CCNF: variants seen among roughly 807,000 people sequenced by gnomAD.
CCNF encodes cyclin-F.
CCNF carries 30 observed loss-of-function variants against 85.4 expected under a neutral mutation model. The ratio of observed to expected loss-of-function variants is 0.35; its 90% CI spans 0.26 to 0.48. CCNF has a LOEUF of 0.48. Among genes scored for constraint, CCNF ranks in the 20% least tolerant of loss-of-function variants. The pLI is 0.99. For synonymous variants in CCNF, 439 were observed against 425.1 expected (o/e 1.03, Z -0.40); for missense variants, 919 against 1,010.4 (o/e 0.91, Z 1.23).
At chr16:2,431,407 G>T (rs1052128100) in intron 2 of CCNF, 123 bp downstream of exon 2, 15 of 1,005,848 alleles carry the variant, frequency 1.5e-5, no homozygotes, top group Non-Finnish European at 2.2e-5. Context: ...GGCCAGGCAC[G>T]GTGGCTCATG....
At chr16:2,431,490 C>G (rs1389492748) in intron 2 of CCNF, among the ~76,000 whole-genome samples, 1 of 151,870 alleles carries the variant, frequency 6.6e-6, no homozygotes, top group Non-Finnish European at 1.5e-5. Flanking sequence ...ACCAGCCTGG[C>G]CAACTTGGCA....
chr16:2,436,076 GA>G (rs1364343831), intron 4 of CCNF: 11 of 467,172 alleles, frequency 2.4e-5, no homozygotes, highest in Admixed American at 2.3e-4. Context: ...TGCAGGTTAC[GA>G]AAGTCGCCTC....
rs780649554 is a variant in CCNF at position 2,456,698 on chromosome 16, C to T, written c.2039C>T (p.Thr680Ile). ...ALALDTQIPATPGPKPLVRTS... is the reference protein window; with the variant it reads ...ALALDTQIPAIPGPKPLVRTS... ...GCGCTGGACACCCAGATCCCTGCAA[C>T]CCCTGGACCCAAACCCCTGGTCCGC... is the stretch of plus-strand genomic sequence containing the variant. The change falls in exon 17 of 17, where the codon ACC (threonine) becomes ATC (isoleucine). Residue 680 changes from threonine (T) to isoleucine (I), a missense_variant. Physicochemically the swap from Thr to Ile is moderately conservative, Grantham distance 89. Coordinates refer to ENST00000397066, the MANE Select transcript of CCNF (RefSeq NM_001761.3). The surrounding 1 kb of genome is among the most constrained non-coding windows in gnomAD (Gnocchi z 4.5). 1.9e-6 allele frequency: 3 copies of T among 1,613,336 alleles called. No homozygotes were observed. Among genetic ancestry groups the T allele is most frequent in the Admixed American group, 3.3e-5 (2 of 59,964 alleles).
rs1319123874 is a variant in CCNF, at chr16:2,456,838, G to C, written c.2179G>C (p.Val727Leu). 1.9e-6 allele frequency: 3 copies of C among 1,613,920 alleles called. No individual in the cohort carries two copies. Among genetic ancestry groups the C allele is most frequent in the African/African-American group, 2.7e-5 (2 of 74,936 alleles). Residue 727 changes from valine (V) to leucine (L), a missense_variant, in exon 17 of 17, where the codon GTG becomes CTG. Physicochemically the swap from Val to Leu is conservative, Grantham distance 32. This residue lies in a region of CCNF where 505 missense variants were observed against 514.8 expected (regional missense o/e 0.98). Coordinates refer to ENST00000397066, the MANE Select transcript of CCNF (RefSeq NM_001761.3). The surrounding 1 kb of genome is among the most constrained non-coding windows in gnomAD (Gnocchi z 4.5). ...GGGGGCCCTGCCCCAACCTACCTCA[G>C]TGCTGTCCCTGGACAGTGACTCGCA... ...GLGALPQPTS[V>L]LSLDSDSHTQ...
intron 3 of CCNF, among the ~76,000 whole-genome samples, chr16:2,434,160 G>C (rs1259327431): frequency 6.6e-6 from 1 of 151,832 alleles, no homozygotes; most frequent in East Asian, 1.9e-4. Context: ...ACAAAAATTA[G>C]CTGGATGCGG....
At position 2,457,070 on chromosome 16, in the gene CCNF, C is replaced by T. The variant is rs371391701; in HGVS notation, c.*50C>T. On this transcript the variant is annotated 3_prime_UTR_variant, in exon 17 of 17. Coordinates refer to ENST00000397066, the MANE Select transcript of CCNF (RefSeq NM_001761.3). ...GGATGTGTACTGAGGGGGCTGGAGG[C>T]GAAGGGTGGGAGCATAGCATAGGAA... 40 of 1,370,224 alleles carry T rather than the reference C, an allele frequency of 2.9e-5. No homozygotes were observed. In the African/African-American group the frequency reaches 5.2e-4, roughly 18 times the overall value. 84.9% of individuals were successfully genotyped at this position (1,370,224 alleles called of 1,614,324 possible). A position where few individuals can be genotyped will look rare whatever the true frequency, so the allele number is the denominator to read the frequency against.
rs1567392325 is a variant in CCNF, at chr16:2,456,488, G to A, written c.1886-57G>A. ...ACTTCAGGGTCCTGACCTGGCAGGG[G>A]GTCTCCCCTGATGCTTGGGTGTGAC... is the stretch of plus-strand genomic sequence containing the variant. On this transcript the variant is annotated intron_variant, in intron 16 of 16. Transcript: ENST00000397066. This position sits in a 1 kb window ranked among gnomAD's most constrained non-coding sequence, Gnocchi z 4.5. 7.9e-7 allele frequency: 1 copy of A among 1,261,698 alleles called. No homozygotes were observed. Among genetic ancestry groups the A allele is most frequent in the Non-Finnish European group, 1.1e-6 (1 of 925,296 alleles). 78.2% of individuals were successfully genotyped at this position (1,261,698 alleles called of 1,614,324 possible). A position where few individuals can be genotyped will look rare whatever the true frequency, so the allele number is the denominator to read the frequency against.
chr16:2,455,464 C>G lies in CCNF; in HGVS notation c.1785C>G (p.Ser595Arg). ...FVTTPTAELS[S>R]QEETLLGSFL... ...CCACCCCCACTGCGGAGCTGTCCAG[C>G]CAGGAGGAGACGCTGCTGGGCAGCT... Residue 595 changes from serine to arginine, a missense_variant, in exon 16 of 17, where the codon AGC becomes AGG. Physicochemically the swap from Ser to Arg is moderately radical, Grantham distance 110 (BLOSUM62 -1). This residue lies in a region of CCNF where 505 missense variants were observed against 514.8 expected (regional missense o/e 0.98). Coordinates refer to ENST00000397066, the MANE Select transcript of CCNF (RefSeq NM_001761.3). The G allele has an allele frequency of 1.9e-6, 3 of 1,604,310 alleles. No homozygotes were observed. Among genetic ancestry groups the G allele is most frequent in the Non-Finnish European group, 2.6e-6 (3 of 1,172,512 alleles).
chr16:2,455,297 A>G (rs1251760167), intron 15 of CCNF, 98 bp from the exon 16 acceptor site: 3 of 1,410,014 alleles, frequency 2.1e-6, no homozygotes, highest in Admixed American at 5.3e-5. Context: ...ACGTGGTGAC[A>G]GGCTGGGGCA....
At chr16:2,447,395 C>A (rs1393673668) in intron 10 of CCNF, among the ~76,000 whole-genome samples, 1 of 151,712 alleles carries the variant, frequency 6.6e-6, no homozygotes, top group Non-Finnish European at 1.5e-5. Context: ...CCAGCCTGGC[C>A]AACATGGTGA....
chr16:2,446,144 C>T (rs567654269), intron 10 of CCNF, among the ~76,000 whole-genome samples: 24 of 152,184 alleles, frequency 1.6e-4, no homozygotes, highest in Non-Finnish European at 2.8e-4. Context: ...GTGTGGGGGC[C>T]GCTGTGTGGG....
In CCNF at chr16:2,458,383, C is replaced by G. The variant is rs2065443234; in HGVS notation, c.*1363C>G. 1 of 151,938 alleles carries G rather than the reference C, an allele frequency of 6.6e-6. No homozygotes were observed. The highest frequency in any genetic ancestry group is 1.5e-5 in the Non-Finnish European group (1 of 68,038). The allele number at this position is 151,938 out of a possible 1,614,324, so 9.4% of individuals were successfully genotyped here. A position where few individuals can be genotyped will look rare whatever the true frequency, so the allele number is the denominator to read the frequency against. ...ACTCCTGCCTCAGCCTCCTGGGTAG[C>G]TGGGATTACAAGCACCCAACCACGC... On this transcript the variant is annotated 3_prime_UTR_variant, in exon 17 of 17. Coordinates refer to ENST00000397066, the MANE Select transcript of CCNF (RefSeq NM_001761.3).
chr16:2,453,430 G>A lies in CCNF; in HGVS notation c.1608G>A (p.Leu536=), dbSNP rs753329779. 5.0e-6 allele frequency: 8 copies of A among 1,614,014 alleles called. No homozygotes were observed. The South Asian group carries it at 8.8e-5, about 18-fold the overall frequency. The stretch of plus-strand genomic sequence containing the variant: ...CTCAGGTGCTGAGCTACAGCCAGTT[G>A]TGTGCTGCATTAGGAGTGACACAAG... ...SQEEVLSYSQ[L]CAALGVTQDS... The change falls in exon 15 of 17, where the codon TTG becomes TTA. Residue 536 remains leucine, a synonymous_variant. Coordinates refer to ENST00000397066, the MANE Select transcript of CCNF (RefSeq NM_001761.3). The surrounding 1 kb of genome is among the most constrained non-coding windows in gnomAD (Gnocchi z 5.6).
intron 10 of CCNF, among the ~76,000 whole-genome samples, chr16:2,446,317 G>T (rs1305687669): frequency 6.6e-6 from 1 of 152,194 alleles, no homozygotes; most frequent in Non-Finnish European, 1.5e-5. Flanking sequence ...CTGAAGTTGG[G>T]TTCTAAAGTC....
chr16:2,451,268 C>T lies in CCNF; in HGVS notation c.1487+1353C>T, dbSNP rs934719692. 3.9e-5 allele frequency among the ~76,000 whole-genome samples: 6 copies of T among 152,170 alleles called. No individual in the cohort carries two copies. Among genetic ancestry groups the T allele is most frequent in the African/African-American group, 1.2e-4 (5 of 41,442 alleles). ...GGCGGGGGCGACTCCCTTCAGGGAGCGTAGCCGGGGTCACCTGGGCATCTG... is the reference window on the plus strand; with the variant it reads ...GGCGGGGGCGACTCCCTTCAGGGAGTGTAGCCGGGGTCACCTGGGCATCTG... On this transcript the variant is annotated intron_variant, in intron 13 of 16. Transcript: ENST00000397066. This position sits in a 1 kb window ranked among gnomAD's most constrained non-coding sequence, Gnocchi z 4.3.
chr16:2,442,354 CTATT>C (rs2065328163), intron 8 of CCNF, among the ~76,000 whole-genome samples: 1 of 120,824 alleles, frequency 8.3e-6, no homozygotes, highest in Non-Finnish European at 1.6e-5. Flanking sequence ...TTTATAATAT[CTATT>C]ATTATATTAT....
At chr16:2,433,782 C>T (rs2065274198) in intron 3 of CCNF, among the ~76,000 whole-genome samples, 2 of 152,000 alleles carry the variant, frequency 1.3e-5, no homozygotes, top group African/African-American at 4.8e-5. Flanking sequence ...GATGGGGTTT[C>T]GCCATGTTGG....
intron 9 of CCNF, 173 bp from the exon 10 acceptor site, chr16:2,445,285 G>A (rs928686032): frequency 1.4e-5 from 10 of 690,106 alleles, no homozygotes; most frequent in African/African-American, 3.6e-5. Flanking sequence ...TGGGACCCAC[G>A]GAGCCTCCCG....
Position 2,449,723 on chromosome 16 carries a change from C to T in CCNF, c.1400-105C>T, listed in dbSNP as rs1191617319. ...AAACTCCACAGCAGAGCCCACAGAG[C>T]TATAGAGCGGGAGTGTTCAGGCGGC... On this transcript the variant is annotated intron_variant, in intron 12 of 16. Coordinates refer to ENST00000397066, the MANE Select transcript of CCNF (RefSeq NM_001761.3). 23 of 819,816 alleles carry T rather than the reference C, an allele frequency of 2.8e-5. 1 individual carries two copies. In the South Asian group the frequency reaches 3.2e-4, roughly 11 times the overall value. The allele number at this position is 819,816 out of a possible 1,614,324, so 50.8% of individuals were successfully genotyped here.
Sources: gnomAD v4.1 joint callset for allele counts (sites outside exome capture counted in the v4.1 genomes callset) on GRCh38, gnomAD v4.1.1 for gene constraint, gnomAD v4.1.1 regional missense constraint, Gnocchi (gnomAD v3.1) non-coding constraint, MANE v1.5 for transcripts, NCBI Gene and HGNC (gene_info 2026-07-23, HGNC 2026-07-21) for gene names.